ANKRD18A: variants seen among roughly 807,000 people sequenced by gnomAD.
ANKRD18A encodes the protein ankyrin repeat domain 18A.
In ANKRD18A, 72 loss-of-function variants were observed where a neutral mutation model predicts 110.6. The observed-to-expected ratio is 0.65, with a 90% CI of 0.54 to 0.79. The LOEUF is 0.79. ANKRD18A is among the 30% of genes least tolerant of loss of function. The pLI is 0.00. For synonymous variants in ANKRD18A, 305 were observed against 410.3 expected (o/e 0.74, Z 3.10); for missense variants, 934 against 1,163.3 (o/e 0.80, Z 2.87).
At chr9:38,611,950 G>C (rs1825638636) in intron 3 of ANKRD18A, among the ~76,000 whole-genome samples, 1 of 152,152 alleles carries the variant, frequency 6.6e-6, no homozygotes, top group Non-Finnish European at 1.5e-5. Context: ...TTAGGAACTA[G>C]AGTTTCAGGG....
intron 12 of ANKRD18A, among the ~76,000 whole-genome samples, chr9:38,580,480 C>T (rs1336365027): frequency 1.3e-5 from 2 of 152,104 alleles, no homozygotes; most frequent in Non-Finnish European, 2.9e-5. Context: ...TTAATGGATA[C>T]AGAATTACAG....
In ANKRD18A at chr9:38,620,281, C is replaced by T. The variant is rs768700474; in HGVS notation, c.5G>A (p.Arg2Lys). MRKLFSFGRRLG... is the reference protein window; with the variant it reads MKKLFSFGRRLG... Reference sequence around the variant, plus strand: ...GCGTCTCCCGAAGCTGAAGAGCTTCCTCATGGTGGCGACTTCTCAGACGCC... The same window carrying T: ...GCGTCTCCCGAAGCTGAAGAGCTTCTTCATGGTGGCGACTTCTCAGACGCC... The change falls in exon 1 of 16, where the codon AGG (arginine) becomes AAG (lysine). Residue 2 changes from arginine (R) to lysine (K), a missense_variant. Physicochemically the swap from Arg to Lys is conservative, Grantham distance 26. Coordinates refer to ENST00000399703, the MANE Select transcript of ANKRD18A (RefSeq NM_147195.4). 2.1e-5 allele frequency: 32 copies of T among 1,550,478 alleles called. No individual in the cohort carries two copies. The highest frequency in any genetic ancestry group is 2.8e-5 in the Non-Finnish European group (32 of 1,146,524).
chr9:38,578,629 C>A (rs1824016553), intron 12 of ANKRD18A, among the ~76,000 whole-genome samples: 1 of 152,118 alleles, frequency 6.6e-6, no homozygotes, highest in Admixed American at 6.5e-5. Context: ...GTAATCCCAG[C>A]ACTTTAGGAG....
intron 12 of ANKRD18A, among the ~76,000 whole-genome samples, chr9:38,579,849 A>G (rs1251930718): frequency 1.3e-5 from 2 of 152,230 alleles, no homozygotes; most frequent in African/African-American, 4.8e-5. Flanking sequence ...AGAAAAGAAA[A>G]CAATAGATCA....
At chr9:38,606,375 A>C (rs553407491) in intron 6 of ANKRD18A, among the ~76,000 whole-genome samples, 207 of 152,176 alleles carry the variant, frequency 1.4e-3, no homozygotes, top group African/African-American at 4.5e-3. Flanking sequence ...AAAACCAACC[A>C]TTTTCTTCCT....
At chr9:38,609,877 C>T (rs988513994) in intron 5 of ANKRD18A, among the ~76,000 whole-genome samples, 1 of 147,502 alleles carries the variant, frequency 6.8e-6, no homozygotes, top group Non-Finnish European at 1.5e-5. Context: ...TAGCAGTTTG[C>T]GAGGCCAAGG....
intron 9 of ANKRD18A, 136 bp downstream of exon 9, chr9:38,595,350 T>C: frequency 1.1e-6 from 1 of 897,854 alleles, no homozygotes; most frequent in Non-Finnish European, 1.6e-6. Context: ...CCTGGATGAT[T>C]CATGTAAATG....
downstream of ANKRD18A, chr9:38,568,854 G>A (rs1823541621): frequency 1.0e-6 from 1 of 985,312 alleles, no homozygotes; most frequent in Non-Finnish European, 1.2e-6. Flanking sequence ...ACTGGGCCAG[G>A]ACCCTTTAGG....
At chr9:38,603,285 T>A in intron 6 of ANKRD18A, 73 bp from the exon 7 acceptor site, 1 of 1,541,164 alleles carries the variant, frequency 6.5e-7, no homozygotes, top group Non-Finnish European at 8.8e-7. Context: ...CCTGGCAAAG[T>A]TTCACTTACT....
rs1823994771 is a variant in ANKRD18A at position 38,578,233 on chromosome 9, T to C, written c.2248-85A>G. 10 of 1,278,432 alleles carry C rather than the reference T, an allele frequency of 7.8e-6. No individual in the cohort carries two copies. The East Asian group carries it at 2.6e-4, about 33-fold the overall frequency. The allele number at this position is 1,278,432 out of a possible 1,614,324, so 79.2% of individuals were successfully genotyped here. A position where few individuals can be genotyped will look rare whatever the true frequency, so the allele number is the denominator to read the frequency against. On this transcript the variant is annotated intron_variant, in intron 12 of 15. Coordinates refer to ENST00000399703, the MANE Select transcript of ANKRD18A (RefSeq NM_147195.4). The stretch of plus-strand genomic sequence containing the variant: ...AACCAATAGCAAATTTTGAAATGCA[T>C]TGACTTGAAATAAAATGTTATCTAT...
At chr9:38,619,756 T>A (rs1181897037) in intron 1 of ANKRD18A, among the ~76,000 whole-genome samples, 1 of 152,216 alleles carries the variant, frequency 6.6e-6, no homozygotes, top group East Asian at 1.9e-4. Flanking sequence ...CACAGGGTTT[T>A]ATCTGAGAAC....
At position 38,571,678 on chromosome 9, in the gene ANKRD18A, G is replaced by T. The variant is rs1823648751; in HGVS notation, c.*367C>A. The T allele has an allele frequency of 6.8e-6, 7 of 1,028,090 alleles. No individual in the cohort carries two copies. The South Asian group carries it at 2.9e-4, about 42-fold the overall frequency. The allele number at this position is 1,028,090 out of a possible 1,614,324, so 63.7% of individuals were successfully genotyped here. A position where few individuals can be genotyped will look rare whatever the true frequency, so the allele number is the denominator to read the frequency against. On this transcript the variant is annotated 3_prime_UTR_variant, in exon 16 of 16. Coordinates refer to ENST00000399703, the MANE Select transcript of ANKRD18A (RefSeq NM_147195.4). Reference sequence around the variant, plus strand: ...GAAGCCCTCGATGACCTTTACTAAAGTATCAATGATGACTTGGTTGTTTGG... The same window carrying T: ...GAAGCCCTCGATGACCTTTACTAAATTATCAATGATGACTTGGTTGTTTGG...
In ANKRD18A at chr9:38,577,275, T is replaced by A. The variant is rs1429703601; in HGVS notation, c.2530-11A>T. ...ATATTCTGCTTGTTTCTAAAACAAA[T>A]GAAAAGAATACACTTTTAAAACAAT... On this transcript the variant is annotated splice_polypyrimidine_tract_variant and intron_variant, in intron 13 of 15. Transcript: ENST00000399703. The A allele has an allele frequency of 2.0e-6, 3 of 1,515,136 alleles. No homozygotes were observed. Among genetic ancestry groups the A allele is most frequent in the Non-Finnish European group, 2.7e-6 (3 of 1,131,658 alleles). 93.9% of individuals were successfully genotyped at this position (1,515,136 alleles called of 1,614,324 possible).
At position 38,603,145 on chromosome 9, in the gene ANKRD18A, C is replaced by G. The variant is rs2118828128; in HGVS notation, c.862+14G>C. 1.9e-6 allele frequency: 3 copies of G among 1,545,750 alleles called. No homozygotes were observed. The East Asian group carries it at 7.4e-5, about 38-fold the overall frequency. On this transcript the variant is annotated intron_variant, in intron 7 of 15. Coordinates refer to ENST00000399703, the MANE Select transcript of ANKRD18A (RefSeq NM_147195.4). ...TCTTTACATGGTTAGGAGTAGAGAA[C>G]TCAAGTGTCTTACCTTTTGCACGTT...
At chr9:38,580,805 A>G (rs570980068) in intron 12 of ANKRD18A, among the ~76,000 whole-genome samples, 39 of 150,550 alleles carry the variant, frequency 2.6e-4, no homozygotes, top group African/African-American at 8.8e-4. Context: ...CCTTCTCCTA[A>G]TGAATAGAAT....
chr9:38,569,720 C>T (rs1238541784), downstream of ANKRD18A, among the ~76,000 whole-genome samples: 1 of 152,136 alleles, frequency 6.6e-6, no homozygotes, highest in African/African-American at 2.4e-5. Context: ...AGCTGCTCCA[C>T]TCACAGGTGC....
At position 38,601,199 on chromosome 9, in the gene ANKRD18A, G is replaced by A. The variant is rs752096464; in HGVS notation, c.868C>T (p.His290Tyr). The A allele has an allele frequency of 1.0e-5, 16 of 1,555,946 alleles. No homozygotes were observed. In the Middle Eastern group the frequency reaches 5.0e-4, roughly 49 times the overall value. The change falls in exon 8 of 16, where the codon CAC (histidine) becomes TAC (tyrosine). Residue 290 changes from histidine to tyrosine, a missense_variant. Physicochemically the swap from His to Tyr is moderately conservative, Grantham distance 83. Coordinates refer to ENST00000399703, the MANE Select transcript of ANKRD18A (RefSeq NM_147195.4). ...TCCTCTGAAGCCACTTTTAGGTTGTGTTCTGCTGACAAATCCATATGTTTA... is the reference window on the plus strand; with the variant it reads ...TCCTCTGAAGCCACTTTTAGGTTGTATTCTGCTGACAAATCCATATGTTTA... Reference protein sequence around the residue: ...KKRKERAKAEHNLKVASEEKQ... With the variant: ...KKRKERAKAEYNLKVASEEKQ...
downstream of ANKRD18A, among the ~76,000 whole-genome samples, chr9:38,570,200 C>T (rs1182373618): frequency 6.6e-6 from 1 of 152,086 alleles, no homozygotes; most frequent in Non-Finnish European, 1.5e-5. Flanking sequence ...CCTCATGGAC[C>T]AGACCCCACT....
At chr9:38,569,764 C>T (rs1823573812), downstream of ANKRD18A, among the ~76,000 whole-genome samples, 1 of 152,146 alleles carries the variant, frequency 6.6e-6, no homozygotes, top group African/African-American at 2.4e-5. Flanking sequence ...CACCAGGGCC[C>T]AGGGCCAGGA....
Sources: allele counts gnomAD v4.1 joint callset (sites outside exome capture counted in the v4.1 genomes callset), GRCh38; gene constraint gnomAD v4.1.1; transcripts MANE v1.5; gene names NCBI Gene and HGNC (gene_info 2026-07-23, HGNC 2026-07-21).